The following ATF6 variants were observed in gnomAD, a reference collection of about 807,000 sequenced individuals.
The protein encoded by ATF6 is activating transcription factor 6.
ATF6 carries 53 observed loss-of-function variants against 83.6 expected under a neutral mutation model. That is an observed-to-expected ratio of 0.63 (90% CI 0.51 to 0.80). The LOEUF (loss-of-function observed/expected upper bound fraction) is 0.80. Ranked by LOEUF, ATF6 falls within the 30% of genes least tolerant of loss-of-function variation. The pLI, the probability that ATF6 is intolerant of heterozygous loss-of-function variation, is 0.00. For missense variants in ATF6, 744 were observed against 797.9 expected (o/e 0.93, Z 0.81); for synonymous variants, 288 against 285.8 (o/e 1.01, Z -0.08).
At chr1:161,768,115 A>G (rs993567603) in intron 1 of ATF6, among the ~76,000 whole-genome samples, 23 of 152,332 alleles carry the variant, frequency 1.5e-4, no homozygotes, top group African/African-American at 5.5e-4. Flanking sequence ...TCGGCCTCCC[A>G]AAGTGCTGGG....
At chr1:161,793,675 G>C (rs1684938651) in intron 6 of ATF6, among the ~76,000 whole-genome samples, 1 of 152,182 alleles carries the variant, frequency 6.6e-6, no homozygotes, top group African/African-American at 2.4e-5. Context: ...AATATGACTA[G>C]CGTATAAAGC....
rs573296292 is a variant in ATF6 at position 161,787,011 on chromosome 1, C to T, written c.354+2915C>T. 3.9e-5 allele frequency among the ~76,000 whole-genome samples: 6 copies of T among 152,232 alleles called. No individual in the cohort carries two copies. In the East Asian group the frequency reaches 5.8e-4, roughly 15 times the overall value. On this transcript the variant is annotated intron_variant, in intron 4 of 15. Transcript: ENST00000367942. ...GTTATTTTGAAGAGCATTTCTTAGT[C>T]GGGTTTGTCTGATGTTTCTTTAGGA...
chr1:161,912,381 G>A lies in ATF6; in HGVS notation c.1804+1G>A. Reference sequence around the variant, plus strand: ...GTGTTACCAGCAATAAACATAAATGGTAAGTTGAAATTCTGATGTATGAAC... The same window carrying A: ...GTGTTACCAGCAATAAACATAAATGATAAGTTGAAATTCTGATGTATGAAC... On this transcript the variant is annotated splice_donor_variant, in intron 15 of 15. Coordinates refer to ENST00000367942, the MANE Select transcript of ATF6 (RefSeq NM_007348.4). LOFTEE classifies it high-confidence loss of function. 6.2e-7 allele frequency: 1 copy of A among 1,601,004 alleles called. No homozygotes were observed. Among genetic ancestry groups the A allele is most frequent in the Non-Finnish European group, 8.5e-7 (1 of 1,171,198 alleles).
chr1:161,841,936 G>A (rs550442661), intron 9 of ATF6, among the ~76,000 whole-genome samples: 107 of 152,280 alleles, frequency 7.0e-4, no homozygotes, highest in Middle Eastern at 6.8e-3. Flanking sequence ...CAAAGCATTT[G>A]CCTGTTAACA....
rs1314735372 is a variant in ATF6, at chr1:161,959,509, A to T, written c.*855A>T. The T allele has an allele frequency of 1.3e-5, 2 of 152,006 alleles. No individual in the cohort carries two copies. The highest frequency in any genetic ancestry group is 2.9e-5 in the Non-Finnish European group (2 of 67,990). The allele number at this position is 152,006 out of a possible 1,614,324, so 9.4% of individuals were successfully genotyped here. A position where few individuals can be genotyped will look rare whatever the true frequency, so the allele number is the denominator to read the frequency against. On this transcript the variant is annotated 3_prime_UTR_variant, in exon 16 of 16. Transcript: ENST00000367942. ...AACGGTGAAACCCCGTCTCTACTAA[A>T]AATACAAAAAATTAGCCGGGCGTAG...
At chr1:161,841,288 A>T (rs898880499) in intron 9 of ATF6, among the ~76,000 whole-genome samples, 2 of 152,222 alleles carry the variant, frequency 1.3e-5, no homozygotes, top group African/African-American at 4.8e-5. Flanking sequence ...TAATAAAAAT[A>T]AGGGAAATAC....
At chr1:161,940,715 C>T (rs4656337) in intron 15 of ATF6, among the ~76,000 whole-genome samples, 34,581 of 151,980 alleles carry the variant, frequency 0.23, 5,557 homozygotes, top group African/African-American at 0.41. Context: ...TGTGCCACCA[C>T]ACCCAGCTAA....
intron 15 of ATF6, among the ~76,000 whole-genome samples, chr1:161,946,805 A>G (rs561207623): frequency 6.6e-6 from 1 of 152,330 alleles, no homozygotes; most frequent in Admixed American, 6.5e-5. Flanking sequence ...TAGTTTCTAA[A>G]ACAAATGAAA....
intron 9 of ATF6, among the ~76,000 whole-genome samples, chr1:161,839,876 G>A (rs186124857): frequency 2.0e-5 from 3 of 152,318 alleles, no homozygotes; most frequent in Admixed American, 2.0e-4. Flanking sequence ...GAGAGTAGTA[G>A]GAGATGATGT....
intron 15 of ATF6, among the ~76,000 whole-genome samples, chr1:161,943,645 C>T (rs927749067): frequency 4.6e-5 from 7 of 152,200 alleles, no homozygotes; most frequent in Admixed American, 4.6e-4. Flanking sequence ...ACCTGCTCTT[C>T]CCTCTATATG....
chr1:161,820,113 C>T (rs183072440), intron 8 of ATF6, among the ~76,000 whole-genome samples: 1 of 152,098 alleles, frequency 6.6e-6, no homozygotes, highest in East Asian at 1.9e-4. Context: ...TCTAAAGTGC[C>T]CTGCCATATT....
intron 9 of ATF6, among the ~76,000 whole-genome samples, chr1:161,841,644 A>G (rs994242192): frequency 6.6e-6 from 1 of 152,154 alleles, no homozygotes; most frequent in Non-Finnish European, 1.5e-5. Flanking sequence ...AAAATACTTT[A>G]TTGACTCTGT....
chr1:161,778,259 C>G lies in ATF6; in HGVS notation c.98C>G (p.Ala33Gly). 1 of 1,613,392 alleles carries G rather than the reference C, an allele frequency of 6.2e-7. No homozygotes were observed. The highest frequency in any genetic ancestry group is 8.5e-7 in the Non-Finnish European group (1 of 1,179,630). Residue 33 changes from alanine to glycine, a missense_variant, in exon 2 of 16, where the codon GCT becomes GGT. By Grantham distance (60) the Ala-to-Gly change is moderately conservative. Coordinates refer to ENST00000367942, the MANE Select transcript of ATF6 (RefSeq NM_007348.4). ...TTGTCCAAAGATTCTGCTCTCTTTGCTGAACTCGGTTATTTCACAGACACT... is the reference window on the plus strand; with the variant it reads ...TTGTCCAAAGATTCTGCTCTCTTTGGTGAACTCGGTTATTTCACAGACACT... ...LDEDWDSALF[A>G]ELGYFTDTDE...
At chr1:161,897,475 C>T (rs1687698653) in intron 14 of ATF6, among the ~76,000 whole-genome samples, 2 of 152,054 alleles carry the variant, frequency 1.3e-5, no homozygotes, top group South Asian at 4.2e-4. Context: ...CTGGCCAACT[C>T]CTCCCCCACC....
intron 14 of ATF6, among the ~76,000 whole-genome samples, chr1:161,906,963 CTACT>C (rs1687887612): frequency 6.6e-6 from 1 of 152,098 alleles, no homozygotes; most frequent in African/African-American, 2.4e-5. Context: ...TGATTACATT[CTACT>C]TAATTTTACC....
chr1:161,811,571 A>G (rs972595015), intron 7 of ATF6, among the ~76,000 whole-genome samples: 1 of 152,236 alleles, frequency 6.6e-6, no homozygotes, highest in African/African-American at 2.4e-5. Context: ...TACAAAAACA[A>G]AAAATAGTAC....
At chr1:161,941,611 A>C (rs1688642944) in intron 15 of ATF6, among the ~76,000 whole-genome samples, 1 of 152,252 alleles carries the variant, frequency 6.6e-6, no homozygotes, top group African/African-American at 2.4e-5. Context: ...GGTAACCCAT[A>C]TAAACTACAT....
intron 15 of ATF6, among the ~76,000 whole-genome samples, chr1:161,942,587 C>T (rs1688669405): frequency 6.6e-6 from 1 of 152,200 alleles, no homozygotes; most frequent in Admixed American, 6.5e-5. Flanking sequence ...ACAATTACTC[C>T]CATTTCATAT....
At chr1:161,885,120 T>C (rs1687394675) in intron 14 of ATF6, among the ~76,000 whole-genome samples, 1 of 152,208 alleles carries the variant, frequency 6.6e-6, no homozygotes, top group Non-Finnish European at 1.5e-5. Flanking sequence ...AGCCTGTTGA[T>C]ACAGCACTGA....
Sources: allele counts gnomAD v4.1 joint callset (sites outside exome capture counted in the v4.1 genomes callset), GRCh38; gene constraint gnomAD v4.1.1; transcripts MANE v1.5; gene names NCBI Gene and HGNC (gene_info 2026-07-23, HGNC 2026-07-21).